The following GPC6 variants were observed in gnomAD, a reference collection of about 807,000 sequenced individuals.
The protein encoded by GPC6 is glypican-6.
Under a neutral mutation model 55.2 loss-of-function variants are expected in GPC6, and 14 were observed. The ratio of observed to expected loss-of-function variants is 0.25; its 90% confidence interval spans 0.17 to 0.40. The LOEUF (loss-of-function observed/expected upper bound fraction) is 0.40, where lower values mean the gene tolerates loss of function less well. Ranked by LOEUF, GPC6 falls within the 10% of genes least tolerant of loss-of-function variation. The pLI, the probability that GPC6 is intolerant of heterozygous loss-of-function variation, is 1.00. For synonymous variants in GPC6, 278 were observed against 259.6 expected (o/e 1.07, Z -0.68); for missense variants, 641 against 708.5 (o/e 0.90, Z 1.08).
At chr13:93,914,677 C>T (rs1225812613) in intron 3 of GPC6, among the ~76,000 whole-genome samples, 1 of 152,076 alleles carries the variant, frequency 6.6e-6, no homozygotes. Context: ...TTTGTTAATT[C>T]TACTTAACTA....
rs183552457 is a variant in GPC6 at position 93,375,475 on chromosome 13, T to C, written c.160+147859T>C. ...CTGTCTAAGTGGGTCTGGGCCTTCC[T>C]GGCACTTCCCTCCCCAACTCCCCAC... On this transcript the variant is annotated intron_variant, in intron 1 of 8. Transcript: ENST00000377047. Among the ~76,000 whole-genome samples, 452 of 152,308 alleles carry C rather than the reference T, an allele frequency of 3.0e-3. 1 individual carries two copies. The highest frequency in any genetic ancestry group is 0.01 in the African/African-American group (431 of 41,582).
At chr13:93,881,823 C>T (rs531031768) in intron 3 of GPC6, among the ~76,000 whole-genome samples, 12 of 152,194 alleles carry the variant, frequency 7.9e-5, no homozygotes, top group South Asian at 2.1e-4. Flanking sequence ...AACTTTGTAA[C>T]GTTCTCTGAC....
At chr13:94,088,770 G>A (rs1160043159) in intron 4 of GPC6, among the ~76,000 whole-genome samples, 1 of 152,058 alleles carries the variant, frequency 6.6e-6, no homozygotes, top group Non-Finnish European at 1.5e-5. Context: ...ACAGAGTATA[G>A]CAGGATGTTG....
intron 5 of GPC6, among the ~76,000 whole-genome samples, chr13:94,295,359 A>G (rs894176387): frequency 9.2e-5 from 14 of 152,170 alleles, no homozygotes; most frequent in African/African-American, 1.9e-4. Flanking sequence ...AAAAATATCT[A>G]TGGTACCTAA....
chr13:94,392,415 ATTTTTTTTT>A (rs59173357), intron 7 of GPC6, among the ~76,000 whole-genome samples: 2 of 105,682 alleles, frequency 1.9e-5, no homozygotes, highest in East Asian at 2.6e-4. Context: ...TCTATTTTTA[ATTTTTTTTT>A]TTTTTTTTTT....
rs564489731 is a variant in GPC6 at position 94,307,453 on chromosome 13, A to T, written c.1152+1330A>T. ...TACCTTAGCTTACTGAGTAGCTGAG[A>T]CCACAGGCATACACCACCATGCCCA... is the stretch of plus-strand genomic sequence containing the variant. On this transcript the variant is annotated intron_variant, in intron 6 of 8. Transcript: ENST00000377047. Among the ~76,000 whole-genome samples the T allele has an allele frequency of 3.9e-5, 6 of 152,176 alleles. No homozygotes were observed. In the East Asian group the frequency reaches 1.2e-3, roughly 29 times the overall value.
intron 3 of GPC6, among the ~76,000 whole-genome samples, chr13:93,915,761 G>T (rs1388607822): frequency 6.6e-6 from 1 of 152,186 alleles, no homozygotes; most frequent in Non-Finnish European, 1.5e-5. Flanking sequence ...ACCCCATGGT[G>T]CACTTTCTGA....
chr13:93,295,109 C>CAAAAAAAAAA (rs71202577), intron 1 of GPC6, among the ~76,000 whole-genome samples: 21 of 61,788 alleles, frequency 3.4e-4, no homozygotes, highest in Non-Finnish European at 4.3e-4. Context: ...TCTGTCTCTG[C>CAAAAAAAAAA]AAAAAAAAAA....
intron 1 of GPC6, among the ~76,000 whole-genome samples, chr13:93,494,462 C>G (rs1246819572): frequency 6.6e-6 from 1 of 151,910 alleles, no homozygotes; most frequent in Non-Finnish European, 1.5e-5. Flanking sequence ...ACTGATGGGT[C>G]TTGACTTTTT....
chr13:93,635,296 T>A (rs1311035829), intron 2 of GPC6, among the ~76,000 whole-genome samples: 4 of 152,110 alleles, frequency 2.6e-5, no homozygotes, highest in Non-Finnish European at 5.9e-5. Context: ...ATTGAAGACC[T>A]TTTGTAACGT....
chr13:93,486,677 T>C (rs769375077), intron 1 of GPC6, among the ~76,000 whole-genome samples: 25 of 152,146 alleles, frequency 1.6e-4, no homozygotes, highest in Non-Finnish European at 2.6e-4. Flanking sequence ...CCGGGCACGG[T>C]GGCTCACACC....
At chr13:93,273,614 C>T (rs1187360032) in intron 1 of GPC6, among the ~76,000 whole-genome samples, 2 of 151,998 alleles carry the variant, frequency 1.3e-5, no homozygotes, top group African/African-American at 2.4e-5. Flanking sequence ...ACCGAGATTG[C>T]GCCACTGCAC....
At chr13:93,551,957 G>A (rs1217421759) in intron 2 of GPC6, among the ~76,000 whole-genome samples, 3 of 152,126 alleles carry the variant, frequency 2.0e-5, no homozygotes, top group Non-Finnish European at 2.9e-5. Flanking sequence ...TGTTATTAAT[G>A]TTATACAGAT....
At chr13:93,618,839 G>A (rs1018414445) in intron 2 of GPC6, among the ~76,000 whole-genome samples, 1 of 152,122 alleles carries the variant, frequency 6.6e-6, no homozygotes, top group Non-Finnish European at 1.5e-5. Context: ...ATTGCTTAAT[G>A]ATGGGGATAC....
chr13:93,855,102 C>T (rs946019409), intron 3 of GPC6, among the ~76,000 whole-genome samples: 14 of 151,674 alleles, frequency 9.2e-5, no homozygotes, highest in African/African-American at 3.4e-4. Flanking sequence ...TTTGGACAAA[C>T]ATCTAATAAC....
At chr13:93,421,415 A>T (rs990992716) in intron 1 of GPC6, among the ~76,000 whole-genome samples, 6 of 145,826 alleles carry the variant, frequency 4.1e-5, no homozygotes, top group East Asian at 1.9e-4. Context: ...ATTTTGTTTT[A>T]AAAAAAACAT....
chr13:93,810,457 G>C (rs944255536), intron 2 of GPC6, among the ~76,000 whole-genome samples: 1 of 152,170 alleles, frequency 6.6e-6, no homozygotes, highest in African/African-American at 2.4e-5. Flanking sequence ...GCTTTTGTTC[G>C]AAGGTGACTA....
At chr13:93,696,191 G>A (rs749166322) in intron 2 of GPC6, among the ~76,000 whole-genome samples, 4 of 152,002 alleles carry the variant, frequency 2.6e-5, no homozygotes, top group Non-Finnish European at 4.4e-5. Context: ...TTTCTAATAC[G>A]GCTTTTCAAC....
At chr13:94,292,250 C>G (rs904897032) in intron 5 of GPC6, among the ~76,000 whole-genome samples, 3 of 88,952 alleles carry the variant, frequency 3.4e-5, no homozygotes, top group African/African-American at 1.9e-4. Context: ...TCTCGCTAAT[C>G]GATGCATAAC....
Sources: allele counts gnomAD v4.1 joint callset (sites outside exome capture counted in the v4.1 genomes callset), GRCh38; gene constraint gnomAD v4.1.1; transcripts MANE v1.5; gene names NCBI Gene and HGNC (gene_info 2026-07-23, HGNC 2026-07-21).